The following CTBP2 variants were observed in gnomAD, a reference collection of about 807,000 sequenced individuals.
The protein encoded by CTBP2 is C-terminal binding protein 2.
In CTBP2, 30 loss-of-function variants were observed where a neutral mutation model predicts 80.3. The observed-to-expected ratio is 0.37, with a 90% CI of 0.28 to 0.51. The LOEUF (loss-of-function observed/expected upper bound fraction) is 0.51. Ranked by LOEUF, CTBP2 falls within the 20% of genes least tolerant of loss-of-function variation. The probability of loss-of-function intolerance (pLI) is 0.93; values close to 1 mark genes in which losing one functional copy is unlikely to be tolerated. For synonymous variants in CTBP2, 594 were observed against 587.4 expected, an observed-to-expected ratio of 1.01 and a Z score of -0.16; for missense variants, 1,212 against 1,375.3, an observed-to-expected ratio of 0.88 and a Z score of 1.88.
chr10:124,998,138 C>T lies in CTBP2; in HGVS notation c.2011G>A (p.Val671Met), dbSNP rs1392063893. 1.9e-6 allele frequency: 3 copies of T among 1,610,208 alleles called. No individual in the cohort carries two copies. Among genetic ancestry groups the T allele is most frequent in the Non-Finnish European group, 2.5e-6 (3 of 1,178,722 alleles). The change falls in exon 4 of 9, where the codon GTG becomes ATG. Residue 671 changes from valine to methionine, a missense_variant. Val to Met is a conservative substitution (Grantham distance 21). Transcript: ENST00000309035. ...ATGGTAGAGTCCGCTGTCTCTTCCA[C>T]GGCTGCAGACGGGATGTTGCACACG...
At chr10:125,005,954 G>A in intron 1 of CTBP2, 5 of 1,488,916 alleles carry the variant, frequency 3.4e-6, no homozygotes, top group Non-Finnish European at 4.4e-6. Context: ...ACCACGCTGG[G>A]CGCAAGGTGG....
At chr10:125,049,424 C>T (rs943024672) in intron 2 of CTBP2, among the ~76,000 whole-genome samples, 2 of 152,190 alleles carry the variant, frequency 1.3e-5, no homozygotes, top group Non-Finnish European at 2.9e-5. Flanking sequence ...CCTGGGGAGC[C>T]CCCACCTGAG....
intron 2 of CTBP2, among the ~76,000 whole-genome samples, chr10:125,060,351 T>A (rs538515925): frequency 6.6e-6 from 1 of 152,366 alleles, no homozygotes; most frequent in African/African-American, 2.4e-5. Context: ...ACAAATGTCA[T>A]GAAATAAGTC....
intron 1 of CTBP2, among the ~76,000 whole-genome samples, chr10:125,154,509 A>C (rs1860570722): frequency 6.6e-6 from 1 of 152,252 alleles, no homozygotes; most frequent in Middle Eastern, 3.2e-3. Context: ...ATTTTTGTGA[A>C]TATTAAGCCA....
rs903172112 is a variant in CTBP2 at position 125,066,445 on chromosome 10, G to A, written c.-101-27290C>T. Among the ~76,000 whole-genome samples the A allele has an allele frequency of 4.6e-5, 7 of 152,172 alleles. No homozygotes were observed. Among genetic ancestry groups the A allele is most frequent in the African/African-American group, 1.7e-4 (7 of 41,448 alleles). ...CAGGGCAGGAACGGAAGGCAAGCAG[G>A]GTGCGCAGATGTAACGGGGGAAGCA... On this transcript the variant is annotated intron_variant, in intron 2 of 10. Transcript: ENST00000337195. The surrounding 1 kb of genome is among the most constrained non-coding windows in gnomAD (Gnocchi z 4.1).
intron 2 of CTBP2, among the ~76,000 whole-genome samples, chr10:125,046,995 T>C (rs539546991): frequency 6.6e-6 from 1 of 152,322 alleles, no homozygotes; most frequent in East Asian, 1.9e-4. Context: ...TAATTGGTTG[T>C]TTGATTTGTG....
chr10:125,069,883 C>T (rs1289137204), intron 2 of CTBP2, among the ~76,000 whole-genome samples: 1 of 118,920 alleles, frequency 8.4e-6, no homozygotes, highest in East Asian at 2.2e-4. Context: ...ATACCCTGCC[C>T]CCCTCCCCCC....
intron 1 of CTBP2, among the ~76,000 whole-genome samples, chr10:125,136,344 T>C (rs554888199): frequency 1.3e-5 from 2 of 152,296 alleles, no homozygotes; most frequent in African/African-American, 2.4e-5. Flanking sequence ...CACATCCCCC[T>C]GTCTGGCTCA....
At chr10:125,042,821 G>GAAGGTC (rs1257534572) in intron 2 of CTBP2, among the ~76,000 whole-genome samples, 3 of 152,208 alleles carry the variant, frequency 2.0e-5, no homozygotes, top group Non-Finnish European at 4.4e-5. Context: ...AAACCTCAGT[G>GAAGGTC]AAGGTCAAGG....
intron 1 of CTBP2, among the ~76,000 whole-genome samples, chr10:125,008,122 TTTTAGCAGAGACAGGG>T (rs1955464905): frequency 6.6e-6 from 1 of 152,174 alleles, no homozygotes; most frequent in South Asian, 2.1e-4. Context: ...AATTTTGTAT[TTTTAGCAGAGACAGGG>T]TTTCGCGATG....
intron 1 of CTBP2, among the ~76,000 whole-genome samples, chr10:125,005,057 G>A (rs1262000872): frequency 6.6e-6 from 1 of 152,214 alleles, no homozygotes; most frequent in African/African-American, 2.4e-5. Flanking sequence ...CGGAGACGAG[G>A]AAGGAAATCC....
At chr10:125,155,967 G>A (rs192830472) in intron 1 of CTBP2, among the ~76,000 whole-genome samples, 19 of 152,246 alleles carry the variant, frequency 1.2e-4, no homozygotes, top group African/African-American at 4.3e-4. Context: ...GTTCACACAA[G>A]CATTCCTCCC....
chr10:125,035,302 C>T (rs2134894888), intron 3 of CTBP2, among the ~76,000 whole-genome samples: 2 of 152,292 alleles, frequency 1.3e-5, no homozygotes, highest in East Asian at 3.9e-4. Context: ...GTCGTGAGAA[C>T]ATTCCAGAGG....
chr10:125,128,923 A>G (rs886251756), intron 1 of CTBP2, among the ~76,000 whole-genome samples: 10 of 152,348 alleles, frequency 6.6e-5, no homozygotes, highest in Admixed American at 6.5e-4. Flanking sequence ...GTGAGCGGGT[A>G]AAGAAACTGC....
chr10:125,103,313 A>G (rs559224256), intron 2 of CTBP2, among the ~76,000 whole-genome samples: 104 of 152,266 alleles, frequency 6.8e-4, no homozygotes, highest in African/African-American at 2.2e-3. Flanking sequence ...GGGCATCTAC[A>G]ATATGCAGGC....
At chr10:125,098,724 C>CAGAGAGAGAGAGAGAGAGAG (rs1564914318) in intron 2 of CTBP2, among the ~76,000 whole-genome samples, 1 of 75,668 alleles carries the variant, frequency 1.3e-5, no homozygotes, top group Non-Finnish European at 2.4e-5. Flanking sequence ...GAGAGAGAGA[C>CAGAGAGAGAGAGAGAGAGAG]AGAGAGAGAG....
chr10:125,030,811 T>G (rs977018924), upstream of CTBP2, among the ~76,000 whole-genome samples: 1 of 152,170 alleles, frequency 6.6e-6, no homozygotes, highest in African/African-American at 2.4e-5. Context: ...GGAGGCAACT[T>G]AAGTTCCCAA....
intron 2 of CTBP2, among the ~76,000 whole-genome samples, chr10:125,102,047 T>C (rs556743272): frequency 6.6e-6 from 1 of 152,316 alleles, no homozygotes; most frequent in South Asian, 2.1e-4. Flanking sequence ...ACTAAGCTCT[T>C]AACATGTACC....
At chr10:125,134,748 A>C (rs1856705437) in intron 1 of CTBP2, among the ~76,000 whole-genome samples, 1 of 151,998 alleles carries the variant, frequency 6.6e-6, no homozygotes, top group African/African-American at 2.4e-5. Flanking sequence ...TCCTTGGGGA[A>C]AGGAGCCAAC....
Sources: gnomAD v4.1 joint callset for allele counts (sites outside exome capture counted in the v4.1 genomes callset) on GRCh38, gnomAD v4.1.1 for gene constraint, Gnocchi (gnomAD v3.1) non-coding constraint, MANE v1.5 for transcripts, NCBI Gene and HGNC (gene_info 2026-07-23, HGNC 2026-07-21) for gene names.